LHFPL6: variants seen among roughly 807,000 people sequenced by gnomAD.
The protein encoded by LHFPL6 is LHFPL tetraspan subfamily member 6.
Under a neutral mutation model 20.6 loss-of-function variants are expected in LHFPL6, and 9 were observed. That is an observed-to-expected ratio of 0.44 (90% CI 0.26 to 0.76). The LOEUF is 0.76. LHFPL6 is among the 30% of genes least tolerant of loss of function. LHFPL6 has a pLI of 0.20. For missense variants in LHFPL6, 218 were observed against 253.5 expected, an observed-to-expected ratio of 0.86 and a Z score of 0.95; for synonymous variants, 105 against 98.7, an observed-to-expected ratio of 1.06 and a Z score of -0.38.
rs555876178 is a variant in LHFPL6, at chr13:39,565,932, A to G, written c.385+34900T>C. On this transcript the variant is annotated intron_variant, in intron 2 of 3. Coordinates refer to ENST00000379589, the MANE Select transcript of LHFPL6 (RefSeq NM_005780.3). ...ACAACAGGAAGAAACTTTGCTGCCAAATAAAAAGAGACCAAATCAACAGAA... is the reference window on the plus strand; with the variant it reads ...ACAACAGGAAGAAACTTTGCTGCCAGATAAAAAGAGACCAAATCAACAGAA... 3.3e-5 allele frequency among the ~76,000 whole-genome samples: 5 copies of G among 152,352 alleles called. No individual in the cohort carries two copies. The South Asian group carries it at 1.0e-3, about 32-fold the overall frequency.
At chr13:39,467,689 A>G (rs1370175456) in intron 2 of LHFPL6, among the ~76,000 whole-genome samples, 1 of 152,228 alleles carries the variant, frequency 6.6e-6, no homozygotes, top group Non-Finnish European at 1.5e-5. Flanking sequence ...ACTAAAAATT[A>G]AACACCACAC....
chr13:39,350,217 A>T (rs1869524735), intron 3 of LHFPL6, among the ~76,000 whole-genome samples: 1 of 152,226 alleles, frequency 6.6e-6, no homozygotes, highest in African/African-American at 2.4e-5. Context: ...GTAGAAATTC[A>T]GTTCAATGAA....
chr13:39,349,304 A>C (rs1468515195), intron 3 of LHFPL6, among the ~76,000 whole-genome samples: 3 of 152,040 alleles, frequency 2.0e-5, no homozygotes, highest in African/African-American at 7.3e-5. Context: ...AATATACAAA[A>C]GTACATATGC....
chr13:39,550,898 G>C (rs1871129660), intron 2 of LHFPL6, among the ~76,000 whole-genome samples: 1 of 152,020 alleles, frequency 6.6e-6, no homozygotes, highest in African/African-American at 2.4e-5. Flanking sequence ...TTTTAAATCA[G>C]AAAAATTGTG....
intron 2 of LHFPL6, among the ~76,000 whole-genome samples, chr13:39,551,403 C>A (rs1217800351): frequency 6.6e-6 from 1 of 151,488 alleles, no homozygotes; most frequent in Non-Finnish European, 1.5e-5. Context: ...GGGCTCTACT[C>A]TCCTGACCCA....
intron 2 of LHFPL6, among the ~76,000 whole-genome samples, chr13:39,408,599 T>C (rs1871175056): frequency 6.6e-6 from 1 of 152,248 alleles, no homozygotes; most frequent in Non-Finnish European, 1.5e-5. Flanking sequence ...AGTGCTTTCC[T>C]ATATTTTGTA....
chr13:39,445,896 T>C (rs1184503284), intron 2 of LHFPL6, among the ~76,000 whole-genome samples: 1 of 152,156 alleles, frequency 6.6e-6, no homozygotes, highest in Non-Finnish European at 1.5e-5. Context: ...TTTTTTCCTG[T>C]GGTACTTTAA....
chr13:39,485,585 A>T (rs1419395586), intron 2 of LHFPL6, among the ~76,000 whole-genome samples: 1 of 152,216 alleles, frequency 6.6e-6, no homozygotes, highest in Non-Finnish European at 1.5e-5. Context: ...AAGGTTTCCC[A>T]GCATTCTACC....
chr13:39,346,336 T>C (rs149482919), intron 3 of LHFPL6, among the ~76,000 whole-genome samples: 34 of 152,274 alleles, frequency 2.2e-4, no homozygotes, highest in African/African-American at 7.7e-4. Flanking sequence ...GTGTCATCCT[T>C]GATTTCTCCC....
Position 39,454,550 on chromosome 13 carries a change from A to AC in LHFPL6, c.386-76025dup, listed in dbSNP as rs1274904827. On this transcript the variant is annotated intron_variant, in intron 2 of 3. Coordinates refer to ENST00000379589, the MANE Select transcript of LHFPL6 (RefSeq NM_005780.3). ...AGGCTGAGGCAGGAGAATGGCGTGA[A>AC]CCCGGGAGGCGGAGCTTACAGTGAG... Among the ~76,000 whole-genome samples, 30 of 80,414 alleles carry AC rather than the reference A, an allele frequency of 3.7e-4. 11 individuals carry two copies. The highest frequency in any genetic ancestry group is 2.0e-3 in the African/African-American group (30 of 14,822). 52.8% of individuals were successfully genotyped at this position (80,414 alleles called of 152,430 possible). A position where few individuals can be genotyped will look rare whatever the true frequency, so the allele number is the denominator to read the frequency against.
At chr13:39,397,404 T>C (rs1870870739) in intron 2 of LHFPL6, among the ~76,000 whole-genome samples, 1 of 152,172 alleles carries the variant, frequency 6.6e-6, no homozygotes, top group South Asian at 2.1e-4. Flanking sequence ...GGAGGAAGCA[T>C]AACTTACACG....
chr13:39,565,301 TC>T (rs1197975677), intron 2 of LHFPL6, among the ~76,000 whole-genome samples: 1 of 151,036 alleles, frequency 6.6e-6, no homozygotes, highest in Non-Finnish European at 1.5e-5. Context: ...AAAGAGAACA[TC>T]ATTTCTAAAC....
intron 2 of LHFPL6, among the ~76,000 whole-genome samples, chr13:39,418,954 A>G (rs1566107084): frequency 6.6e-6 from 1 of 152,232 alleles, no homozygotes. Context: ...CCCAATGATC[A>G]GAATACAGAT....
chr13:39,521,191 A>G (rs1870094275), intron 2 of LHFPL6, among the ~76,000 whole-genome samples: 1 of 152,182 alleles, frequency 6.6e-6, no homozygotes, highest in African/African-American at 2.4e-5. Flanking sequence ...AAATGGAGAT[A>G]AAGGCCATTC....
chr13:39,492,661 T>TTTTA (rs1361516593), intron 2 of LHFPL6, among the ~76,000 whole-genome samples: 1 of 152,068 alleles, frequency 6.6e-6, no homozygotes, highest in African/African-American at 2.4e-5. Flanking sequence ...TCTTTTTTAT[T>TTTTA]TTTATTTATT....
intron 2 of LHFPL6, among the ~76,000 whole-genome samples, chr13:39,538,188 C>A (rs1870686301): frequency 6.6e-6 from 1 of 151,504 alleles, no homozygotes. Context: ...CGGGGTTTCA[C>A]CATGTTGGGC....
chr13:39,468,697 A>G (rs142240182), intron 2 of LHFPL6, among the ~76,000 whole-genome samples: 50 of 152,186 alleles, frequency 3.3e-4, no homozygotes, highest in African/African-American at 1.1e-3. Context: ...ATCTAATATT[A>G]CCCTTTTACA....
intron 2 of LHFPL6, among the ~76,000 whole-genome samples, chr13:39,527,346 A>G (rs1885764): frequency 0.79 from 119,641 of 151,940 alleles, 47,217 homozygotes; most frequent in Middle Eastern, 0.84. Flanking sequence ...TTCAACTAAC[A>G]TCAAGAAAAT....
At chr13:39,391,500 G>A (rs1471450129) in intron 2 of LHFPL6, among the ~76,000 whole-genome samples, 1 of 152,074 alleles carries the variant, frequency 6.6e-6, no homozygotes, top group Non-Finnish European at 1.5e-5. Context: ...GTGTATGTGT[G>A]TATAAAACAT....
Sources: gnomAD v4.1 joint callset for allele counts (sites outside exome capture counted in the v4.1 genomes callset) on GRCh38, gnomAD v4.1.1 for gene constraint, MANE v1.5 for transcripts, NCBI Gene and HGNC (gene_info 2026-07-23, HGNC 2026-07-21) for gene names.